The following TACC2 variants were observed in gnomAD, a reference collection of about 807,000 sequenced individuals.
TACC2 encodes the protein transforming acidic coiled-coil-containing protein 2.
Under a neutral mutation model 227.3 loss-of-function variants are expected in TACC2, and 137 were observed. That is an observed-to-expected ratio of 0.60 (90% confidence interval 0.52 to 0.69). TACC2 has a LOEUF of 0.69. Among genes scored for constraint, TACC2 ranks in the 30% least tolerant of loss-of-function variants. The pLI, the probability that TACC2 is intolerant of heterozygous loss-of-function variation, is 0.00. For missense variants in TACC2, 3,470 were observed against 3,694.4 expected, an observed-to-expected ratio of 0.94 and a Z score of 1.57; for synonymous variants, 1,523 against 1,487.5, an observed-to-expected ratio of 1.02 and a Z score of -0.55.
At position 122,153,531 on chromosome 10, in the gene TACC2, C is replaced by T. The variant is rs993649968; in HGVS notation, c.5834+9825C>T. Among the ~76,000 whole-genome samples, 5 of 152,174 alleles carry T rather than the reference C, an allele frequency of 3.3e-5. No individual in the cohort carries two copies. In the East Asian group the frequency reaches 5.8e-4, roughly 18 times the overall value. ...CTGCCTGATTGCAGACCTCGGGTTT[C>T]GAGTCCCAGAGGTGTTGTGAGAGGC... On this transcript the variant is annotated intron_variant, in intron 7 of 22. Transcript: ENST00000369005.
intron 3 of TACC2, among the ~76,000 whole-genome samples, chr10:122,064,396 TATTA>T (rs1565193884): frequency 6.6e-6 from 1 of 152,218 alleles, no homozygotes; most frequent in Non-Finnish European, 1.5e-5. Context: ...GATACATTAT[TATTA>T]ACTAAAGTCT....
chr10:122,039,206 C>T, intron 2 of TACC2, among the ~76,000 whole-genome samples: 1 of 152,122 alleles, frequency 6.6e-6, no homozygotes, highest in Non-Finnish European at 1.5e-5. Flanking sequence ...GAACTCCTGA[C>T]CTGAGGTGAT....
At chr10:122,175,472 C>T (rs971885326) in intron 7 of TACC2, among the ~76,000 whole-genome samples, 12 of 152,228 alleles carry the variant, frequency 7.9e-5, no homozygotes, top group Non-Finnish European at 1.6e-4. Flanking sequence ...AGACCCCGTT[C>T]TGTCCAGAAT....
intron 3 of TACC2, among the ~76,000 whole-genome samples, chr10:122,080,566 C>A (rs1459283574): frequency 6.6e-6 from 1 of 152,116 alleles, no homozygotes; most frequent in Non-Finnish European, 1.5e-5. Context: ...CCAGTCCTAT[C>A]AGATTAGGGC....
intron 9 of TACC2, chr10:122,213,211 A>G (rs2095332585): frequency 1.1e-6 from 1 of 890,032 alleles, no homozygotes; most frequent in Non-Finnish European, 1.8e-6. Context: ...AGCTCCTTCC[A>G]AAAAGCTGGG....
intron 12 of TACC2, among the ~76,000 whole-genome samples, chr10:122,226,143 T>G (rs1032515313): frequency 2.0e-5 from 3 of 152,228 alleles, no homozygotes; most frequent in Non-Finnish European, 4.4e-5. Context: ...ACGTTCCTAC[T>G]TGAACTCAGT....
chr10:122,183,802 T>G (rs1273310170), intron 7 of TACC2, among the ~76,000 whole-genome samples: 1 of 152,094 alleles, frequency 6.6e-6, no homozygotes, highest in African/African-American at 2.4e-5. Context: ...AGAAGACACG[T>G]ATGCCTGTCT....
chr10:122,216,639 G>C lies in TACC2; in HGVS notation c.7357G>C (p.Ala2453Pro). 1 of 1,613,784 alleles carries C rather than the reference G, an allele frequency of 6.2e-7. No individual in the cohort carries two copies. The highest frequency in any genetic ancestry group is 8.5e-7 in the Non-Finnish European group (1 of 1,179,910). Residue 2453 changes from alanine to proline, a missense_variant, in exon 11 of 23, where the codon GCT becomes CCT. Transcript: ENST00000369005. ...CTTCTCTTTGCAGGACCCCACCCCA[G>C]CTGCTACACCAGAAACACCACCAGT... Reference protein sequence around the residue: ...SDPPSQDPTPAATPETPPVIS... With the variant: ...SDPPSQDPTPPATPETPPVIS...
intron 2 of TACC2, among the ~76,000 whole-genome samples, chr10:122,041,598 C>T (rs1232873500): frequency 2.6e-5 from 4 of 152,042 alleles, no homozygotes; most frequent in East Asian, 1.9e-4. Flanking sequence ...AGGTGCACAC[C>T]GCCATGCCTG....
intron 2 of TACC2, among the ~76,000 whole-genome samples, chr10:122,027,088 G>A (rs2420971): frequency 0.43 from 65,513 of 151,980 alleles, 16,799 homozygotes; most frequent in African/African-American, 0.72. Flanking sequence ...GCTGTGAATG[G>A]GAGTTCCTGT....
At chr10:121,989,852 G>A (rs753765976) in intron 1 of TACC2, among the ~76,000 whole-genome samples, 1 of 151,754 alleles carries the variant, frequency 6.6e-6, no homozygotes, top group Non-Finnish European at 1.5e-5. Flanking sequence ...AGAACTACTG[G>A]GCTCAAGTGA....
chr10:122,254,294 A>G lies in TACC2; in HGVS notation c.*238A>G, dbSNP rs1590027493. ...AGCAAGTTGACCTCAGAGTTCCTGT[A>G]TCAGGGAGATTGTCTGATTCTCTAA... On this transcript the variant is annotated 3_prime_UTR_variant, in exon 23 of 23. Coordinates refer to ENST00000369005, the MANE Select transcript of TACC2 (RefSeq NM_206862.4). 1.8e-6 allele frequency: 1 copy of G among 543,582 alleles called. No individual in the cohort carries two copies. The highest frequency in any genetic ancestry group is 2.8e-5 in the Admixed American group (1 of 35,660). 33.7% of individuals were successfully genotyped at this position (543,582 alleles called of 1,614,324 possible). A position where few individuals can be genotyped will look rare whatever the true frequency, so the allele number is the denominator to read the frequency against.
chr10:122,073,520 C>T lies in TACC2; in HGVS notation c.147-9127C>T, dbSNP rs74698170. On this transcript the variant is annotated intron_variant, in intron 3 of 22. Coordinates refer to ENST00000369005, the MANE Select transcript of TACC2 (RefSeq NM_206862.4). ...TCAAGGGCATCTGAAATGTCCTTACCAATTCTTCTTTTAATGTAAGGCTGT... is the reference window on the plus strand; with the variant it reads ...TCAAGGGCATCTGAAATGTCCTTACTAATTCTTCTTTTAATGTAAGGCTGT... 9.5e-3 allele frequency among the ~76,000 whole-genome samples: 1,447 copies of T among 152,242 alleles called. 23 individuals carry two copies. The highest frequency in any genetic ancestry group is 0.033 in the African/African-American group (1,387 of 41,534).
chr10:122,164,442 C>T (rs1456677296), intron 7 of TACC2, among the ~76,000 whole-genome samples: 1 of 152,210 alleles, frequency 6.6e-6, no homozygotes, highest in Non-Finnish European at 1.5e-5. Context: ...CTCTGGTGGA[C>T]GTTCCGTCTA....
chr10:122,220,837 T>C (rs1193122280), intron 11 of TACC2, among the ~76,000 whole-genome samples: 2 of 152,192 alleles, frequency 1.3e-5, no homozygotes, highest in Non-Finnish European at 1.5e-5. Context: ...GTCTGCAGAG[T>C]GCTTTTCTAC....
rs547695506 is a variant in TACC2 at position 122,050,674 on chromosome 10, A to G, written c.146+124A>G. On this transcript the variant is annotated intron_variant, in intron 3 of 22. Coordinates refer to ENST00000369005, the MANE Select transcript of TACC2 (RefSeq NM_206862.4). The surrounding 1 kb of genome is among the most constrained non-coding windows in gnomAD (Gnocchi z 4.6). The stretch of plus-strand genomic sequence containing the variant: ...CCCTTAGACACATGGTATCGTCCTC[A>G]GTGGTGAGATGTTCCAAGCAGTGGT... The G allele has an allele frequency of 9.2e-5, 65 of 703,394 alleles. No homozygotes were observed. Among genetic ancestry groups the G allele is most frequent in the Non-Finnish European group, 1.4e-4 (59 of 410,702 alleles). The allele number at this position is 703,394 out of a possible 1,614,324, so 43.6% of individuals were successfully genotyped here. A position where few individuals can be genotyped will look rare whatever the true frequency, so the allele number is the denominator to read the frequency against.
chr10:122,017,094 C>G (rs1342494581), intron 1 of TACC2, among the ~76,000 whole-genome samples: 1 of 151,962 alleles, frequency 6.6e-6, no homozygotes, highest in Non-Finnish European at 1.5e-5. Context: ...TTGCTGAAGC[C>G]ACCGAATCTG....
chr10:122,024,450 A>G (rs1957739913), intron 2 of TACC2, among the ~76,000 whole-genome samples: 1 of 152,146 alleles, frequency 6.6e-6, no homozygotes, highest in Admixed American at 6.5e-5. Context: ...CTATAATGCA[A>G]TATCACAACC....
At chr10:122,148,252 C>CTGTGT (rs2091642639) in intron 7 of TACC2, among the ~76,000 whole-genome samples, 1 of 151,994 alleles carries the variant, frequency 6.6e-6, no homozygotes, top group East Asian at 1.9e-4. Flanking sequence ...TATAGGCACC[C>CTGTGT]GCCACCATGC....
Sources: allele counts gnomAD v4.1 joint callset (sites outside exome capture counted in the v4.1 genomes callset), GRCh38; gene constraint gnomAD v4.1.1; non-coding constraint Gnocchi (gnomAD v3.1); transcripts MANE v1.5; gene names NCBI Gene and HGNC (gene_info 2026-07-23, HGNC 2026-07-21).